The following BMPR1B variants were observed in gnomAD, a reference collection of about 807,000 sequenced individuals.
BMPR1B encodes bone morphogenetic protein receptor type-1B.
In BMPR1B, 12 loss-of-function variants were observed where a neutral mutation model predicts 59.1. That is an observed-to-expected ratio of 0.20 (90% confidence interval 0.13 to 0.33). The LOEUF (loss-of-function observed/expected upper bound fraction) is 0.33, where lower values mean the gene tolerates loss of function less well. BMPR1B is among the 10% of genes least tolerant of loss of function. The pLI, the probability that BMPR1B is intolerant of heterozygous loss-of-function variation, is 1.00. For missense variants in BMPR1B, 550 were observed against 610.9 expected (o/e 0.90, Z 1.05); for synonymous variants, 237 against 207.3 (o/e 1.14, Z -1.23).
chr4:95,068,648 C>A (rs1728036062), intron 3 of BMPR1B, among the ~76,000 whole-genome samples: 1 of 152,186 alleles, frequency 6.6e-6, no homozygotes. Context: ...AATCACTTCT[C>A]CTTTTATTCC....
intron 1 of BMPR1B, among the ~76,000 whole-genome samples, chr4:94,865,813 A>G (rs1362621006): frequency 1.3e-5 from 2 of 152,202 alleles, no homozygotes; most frequent in Non-Finnish European, 2.9e-5. Flanking sequence ...AACAACATGC[A>G]TTACATAACA....
At chr4:95,090,655 A>G (rs1476363899) in intron 3 of BMPR1B, among the ~76,000 whole-genome samples, 1 of 152,092 alleles carries the variant, frequency 6.6e-6, no homozygotes, top group African/African-American at 2.4e-5. Context: ...CTTTGAGCCC[A>G]AAGTGCTTAC....
chr4:95,099,158 T>C (rs1027128404), intron 3 of BMPR1B, among the ~76,000 whole-genome samples: 5 of 152,138 alleles, frequency 3.3e-5, no homozygotes, highest in Non-Finnish European at 5.9e-5. Flanking sequence ...GTGGATTTAG[T>C]GTTAACTACC....
intron 1 of BMPR1B, among the ~76,000 whole-genome samples, chr4:94,791,365 G>C (rs962843940): frequency 6.6e-6 from 1 of 152,116 alleles, no homozygotes; most frequent in East Asian, 1.9e-4. Context: ...TATTTCCATG[G>C]AGCCTGGAGA....
intron 3 of BMPR1B, chr4:95,051,654 CAGG>C: frequency 6.6e-7 from 1 of 1,521,602 alleles, no homozygotes; most frequent in Admixed American, 2.0e-5. Flanking sequence ...AGGCAAGAAA[CAGG>C]AGGCTTAAAC....
intron 2 of BMPR1B, among the ~76,000 whole-genome samples, chr4:94,945,941 A>G (rs1032577800): frequency 5.3e-5 from 8 of 152,144 alleles, no homozygotes; most frequent in African/African-American, 1.9e-4. Flanking sequence ...TTTATCTAGT[A>G]GAATAGCTAA....
At chr4:94,956,981 T>C (rs1253337018) in intron 2 of BMPR1B, among the ~76,000 whole-genome samples, 2 of 152,186 alleles carry the variant, frequency 1.3e-5, no homozygotes, top group South Asian at 4.1e-4. Context: ...TGGTAAAAAT[T>C]GTAAAGCAGT....
chr4:94,800,454 T>A (rs1166331478), intron 1 of BMPR1B, among the ~76,000 whole-genome samples: 2 of 150,706 alleles, frequency 1.3e-5, no homozygotes, highest in East Asian at 3.9e-4. Context: ...ACTATTTTTT[T>A]TTTTTTTTTT....
intron 2 of BMPR1B, among the ~76,000 whole-genome samples, chr4:94,927,584 T>C (rs1218941065): frequency 6.6e-6 from 1 of 152,060 alleles, no homozygotes; most frequent in Non-Finnish European, 1.5e-5. Flanking sequence ...AGAAATAGCA[T>C]AGTGATGTTA....
chr4:94,770,182 G>GTTTTTTTTTTTTTTTTTTTTTTTTTTTT (rs1215939344), intron 1 of BMPR1B, among the ~76,000 whole-genome samples: 463 of 39,828 alleles, frequency 0.012, 61 homozygotes, highest in Non-Finnish European at 0.015. Context: ...TCGTTTCTGT[G>GTTTTTTTTTTTTTTTTTTTTTTTTTTTT]TTTGTTTTTT....
intron 1 of BMPR1B, among the ~76,000 whole-genome samples, chr4:94,836,265 G>A (rs897907058): frequency 1.3e-5 from 2 of 151,144 alleles, no homozygotes; most frequent in Non-Finnish European, 3.0e-5. Flanking sequence ...AGTCCTTTGG[G>A]TATATACCCA....
At chr4:95,058,359 G>A (rs772571240) in intron 3 of BMPR1B, among the ~76,000 whole-genome samples, 8 of 152,058 alleles carry the variant, frequency 5.3e-5, no homozygotes, top group South Asian at 2.1e-4. Context: ...TCTTTGGTTC[G>A]TAGTTTTTTA....
chr4:94,913,174 G>A (rs1259607451), intron 2 of BMPR1B, among the ~76,000 whole-genome samples: 1 of 152,098 alleles, frequency 6.6e-6, no homozygotes, highest in African/African-American at 2.4e-5. Flanking sequence ...TAATTTTCAA[G>A]TGGGCAACAT....
At chr4:94,864,422 G>A (rs1726122895) in intron 1 of BMPR1B, among the ~76,000 whole-genome samples, 1 of 152,148 alleles carries the variant, frequency 6.6e-6, no homozygotes, top group Non-Finnish European at 1.5e-5. Context: ...TTTAAGGAGG[G>A]AAAGGCGGAG....
intron 2 of BMPR1B, among the ~76,000 whole-genome samples, chr4:94,904,218 A>T (rs1727944144): frequency 6.6e-6 from 1 of 152,044 alleles, no homozygotes; most frequent in African/African-American, 2.4e-5. Flanking sequence ...GATTTGCTGT[A>T]GAAATGCGTT....
intron 1 of BMPR1B, among the ~76,000 whole-genome samples, chr4:94,843,289 C>G (rs563015921): frequency 6.6e-6 from 1 of 152,096 alleles, no homozygotes. Context: ...AGTTTATTAT[C>G]AAAACAATTT....
chr4:94,936,792 C>G (rs1729319265), intron 2 of BMPR1B, among the ~76,000 whole-genome samples: 1 of 152,100 alleles, frequency 6.6e-6, no homozygotes, highest in Non-Finnish European at 1.5e-5. Flanking sequence ...TCTCTTCTCA[C>G]TCCATTTGTT....
intron 4 of BMPR1B, among the ~76,000 whole-genome samples, chr4:95,106,147 G>A (rs778236838): frequency 2.0e-5 from 3 of 151,996 alleles, no homozygotes; most frequent in Non-Finnish European, 2.9e-5. Context: ...AGTAGGATCA[G>A]GGAGTAGGAA....
chr4:94,862,552 C>A (rs1726027650), intron 1 of BMPR1B, among the ~76,000 whole-genome samples: 1 of 151,396 alleles, frequency 6.6e-6, no homozygotes, highest in Non-Finnish European at 1.5e-5. Flanking sequence ...GCCTGTAATC[C>A]TAGCACTTTG....
Sources: allele counts gnomAD v4.1 joint callset (sites outside exome capture counted in the v4.1 genomes callset), GRCh38; gene constraint gnomAD v4.1.1; transcripts MANE v1.5; gene names NCBI Gene and HGNC (gene_info 2026-07-23, HGNC 2026-07-21).